SUGCT: variants seen among roughly 807,000 people sequenced by gnomAD.
SUGCT encodes succinyl-CoA:glutarate-CoA transferase.
A neutral mutation model predicts 55.0 loss-of-function variants in SUGCT; 41 were observed. That is an observed-to-expected ratio of 0.74 (90% CI 0.58 to 0.97). The LOEUF (loss-of-function observed/expected upper bound fraction) is 0.97, where lower values mean the gene tolerates loss of function less well. Ranked by LOEUF, SUGCT falls within the 50% of genes least tolerant of loss-of-function variation. The probability of loss-of-function intolerance (pLI) is 0.00; values close to 1 mark genes in which losing one functional copy is unlikely to be tolerated. For synonymous variants in SUGCT, 187 were observed against 200.4 expected (o/e 0.93, Z 0.56); for missense variants, 568 against 547.8 (o/e 1.04, Z -0.37).
chr7:40,722,129 ACCT>A (rs936647154), intron 12 of SUGCT, among the ~76,000 whole-genome samples: 13 of 151,840 alleles, frequency 8.6e-5, no homozygotes, highest in Admixed American at 7.2e-4. Flanking sequence ...AGGGTAGAGG[ACCT>A]CCTCTTTTGG....
At chr7:40,974,793 T>G in the SUGCT span, among the ~76,000 whole-genome samples, 1 of 152,178 alleles carries the variant, frequency 6.6e-6, no homozygotes, top group Non-Finnish European at 1.5e-5. Flanking sequence ...AAATGCTAAG[T>G]GAATTAAGGA....
intron 11 of SUGCT, among the ~76,000 whole-genome samples, chr7:40,461,803 C>G (rs1157891549): frequency 6.6e-6 from 1 of 152,258 alleles, no homozygotes; most frequent in East Asian, 1.9e-4. Context: ...GTGGAACCAG[C>G]CTTTGGTGGC....
chr7:40,375,560 T>G (rs1460108070), intron 9 of SUGCT, among the ~76,000 whole-genome samples: 3 of 152,226 alleles, frequency 2.0e-5, no homozygotes, highest in Admixed American at 2.0e-4. Context: ...TCAGTGGAAC[T>G]GATTCTTTCT....
At chr7:40,728,695 T>C (rs1786730056) in intron 12 of SUGCT, among the ~76,000 whole-genome samples, 1 of 152,180 alleles carries the variant, frequency 6.6e-6, no homozygotes, top group Non-Finnish European at 1.5e-5. Flanking sequence ...GCTTTATGAC[T>C]TGTCTGAAAA....
chr7:40,982,856 C>T, the SUGCT span, among the ~76,000 whole-genome samples: 1 of 151,992 alleles, frequency 6.6e-6, no homozygotes, highest in African/African-American at 2.4e-5. Context: ...TCCATGTTGC[C>T]CAGGCTGGTC....
intron 13 of SUGCT, among the ~76,000 whole-genome samples, chr7:40,794,885 C>T (rs1790477025): frequency 6.6e-6 from 1 of 151,922 alleles, no homozygotes; most frequent in Non-Finnish European, 1.5e-5. Context: ...CAACTTCATT[C>T]TTCAATTTTT....
chr7:40,711,712 T>G (rs1785734154), intron 12 of SUGCT, among the ~76,000 whole-genome samples: 1 of 152,214 alleles, frequency 6.6e-6, no homozygotes, highest in African/African-American at 2.4e-5. Context: ...ACCTTATCAC[T>G]AACTGTTGGA....
At chr7:40,375,588 ACCTATTAG>A (rs1485881693) in intron 9 of SUGCT, among the ~76,000 whole-genome samples, 2 of 152,062 alleles carry the variant, frequency 1.3e-5, no homozygotes, top group East Asian at 3.9e-4. Flanking sequence ...TAGACTCTTT[ACCTATTAG>A]CACAACTATC....
chr7:40,607,712 A>G (rs1351631585), intron 12 of SUGCT, among the ~76,000 whole-genome samples: 2 of 152,350 alleles, frequency 1.3e-5, no homozygotes, highest in East Asian at 3.9e-4. Context: ...TGTTGAGTGC[A>G]TACTAGGTGC....
At chr7:40,857,404 G>T (rs902451085) in intron 13 of SUGCT, among the ~76,000 whole-genome samples, 11 of 152,156 alleles carry the variant, frequency 7.2e-5, no homozygotes, top group Admixed American at 2.0e-4. Context: ...TATTTGTCCC[G>T]TTGCAGTCTA....
the SUGCT span, among the ~76,000 whole-genome samples, chr7:40,892,214 G>A: frequency 6.6e-6 from 1 of 152,186 alleles, no homozygotes; most frequent in Admixed American, 6.5e-5. Context: ...ATAGCAAAGT[G>A]TGGAGGGAGG....
chr7:40,774,231 T>C (rs985042341), intron 13 of SUGCT, among the ~76,000 whole-genome samples: 9 of 152,148 alleles, frequency 5.9e-5, no homozygotes, highest in African/African-American at 2.2e-4. Flanking sequence ...ACAGGGAAGA[T>C]AGGAAATTCT....
chr7:40,333,455 G>A (rs1796438536), intron 9 of SUGCT, among the ~76,000 whole-genome samples: 1 of 150,406 alleles, frequency 6.6e-6, no homozygotes, highest in Non-Finnish European at 1.5e-5. Flanking sequence ...TGGCCAACAT[G>A]GCGAAACCAC....
intron 12 of SUGCT, among the ~76,000 whole-genome samples, chr7:40,619,859 G>A (rs531471076): frequency 6.6e-5 from 10 of 152,196 alleles, no homozygotes; most frequent in East Asian, 1.9e-4. Context: ...TTTCCTTGTC[G>A]TATTACTTTC....
At chr7:40,661,950 G>A (rs370663054) in intron 12 of SUGCT, among the ~76,000 whole-genome samples, 38 of 152,184 alleles carry the variant, frequency 2.5e-4, no homozygotes, top group African/African-American at 8.7e-4. Flanking sequence ...CGCCAGCTCA[G>A]TCTGCAACTA....
intron 7 of SUGCT, among the ~76,000 whole-genome samples, chr7:40,252,796 T>C (rs1790519594): frequency 6.6e-6 from 1 of 151,958 alleles, no homozygotes; most frequent in Non-Finnish European, 1.5e-5. Flanking sequence ...TATACGCACA[T>C]GCCACCAGGC....
At position 40,681,036 on chromosome 7, in the gene SUGCT, C is replaced by T. The variant is rs189276456; in HGVS notation, c.1090-68398C>T. Among the ~76,000 whole-genome samples the T allele has an allele frequency of 3.3e-5, 5 of 152,244 alleles. No homozygotes were observed. The East Asian group carries it at 9.7e-4, about 29-fold the overall frequency. ...ATCCTGATCCTCATTTATAATACAC[C>T]TCAGATACTGGGAACCATGGGGTTT... is the stretch of plus-strand genomic sequence containing the variant. On this transcript the variant is annotated intron_variant, in intron 12 of 13. Transcript: ENST00000335693.
At chr7:40,977,238 G>C in the SUGCT span, among the ~76,000 whole-genome samples, 10 of 152,190 alleles carry the variant, frequency 6.6e-5, no homozygotes, top group African/African-American at 2.4e-4. Flanking sequence ...AAGGGAACAG[G>C]TTGCAATGTC....
intron 10 of SUGCT, among the ~76,000 whole-genome samples, chr7:40,455,716 C>T (rs994022301): frequency 6.6e-6 from 1 of 152,154 alleles, no homozygotes; most frequent in Non-Finnish European, 1.5e-5. Flanking sequence ...GTTGCCTTTT[C>T]CTTTATCTAA....
Sources: allele counts gnomAD v4.1 joint callset (sites outside exome capture counted in the v4.1 genomes callset), GRCh38; gene constraint gnomAD v4.1.1; transcripts MANE v1.5; gene names NCBI Gene and HGNC (gene_info 2026-07-23, HGNC 2026-07-21).